The following GRID2 variants were observed in gnomAD, a reference collection of about 807,000 sequenced individuals.
GRID2 encodes glutamate receptor ionotropic, delta-2.
A neutral mutation model predicts 114.8 loss-of-function variants in GRID2; 33 were observed. The ratio of observed to expected loss-of-function variants is 0.29; its 90% CI spans 0.22 to 0.38. GRID2 has a LOEUF of 0.38. Among genes scored for constraint, GRID2 ranks in the 10% least tolerant of loss-of-function variants. GRID2 has a pLI of 1.00. For synonymous variants in GRID2, 505 were observed against 449.9 expected (o/e 1.12, Z -1.55); for missense variants, 1,184 against 1,257.7 (o/e 0.94, Z 0.89).
chr4:93,280,744 A>T (rs1561080064), intron 8 of GRID2, among the ~76,000 whole-genome samples: 1 of 152,120 alleles, frequency 6.6e-6, no homozygotes. Context: ...ATCTCTTAAG[A>T]ATCTTGAAGA....
chr4:92,724,434 G>A (rs563567882), intron 2 of GRID2, among the ~76,000 whole-genome samples: 2 of 152,202 alleles, frequency 1.3e-5, no homozygotes, highest in East Asian at 1.9e-4. Context: ...CTAGGACTGA[G>A]TAACATTTTA....
At position 92,945,527 on chromosome 4, in the gene GRID2, G is replaced by A. The variant is rs78989884; in HGVS notation, c.245-139468G>A. ...TTAATACTGTAAGTCTTCATCTCTA[G>A]GAAATTATGTTTGATTCTTACAATT... is the stretch of plus-strand genomic sequence containing the variant. On this transcript the variant is annotated intron_variant, in intron 2 of 15. Coordinates refer to ENST00000282020, the MANE Select transcript of GRID2 (RefSeq NM_001510.4). Among the ~76,000 whole-genome samples the A allele has an allele frequency of 4.4e-3, 666 of 152,142 alleles. 8 individuals are homozygous for A. The highest frequency in any genetic ancestry group is 0.015 in the African/African-American group (640 of 41,526).
At chr4:93,750,905 T>C (rs547896941) in intron 14 of GRID2, among the ~76,000 whole-genome samples, 2 of 152,348 alleles carry the variant, frequency 1.3e-5, no homozygotes, top group Admixed American at 1.3e-4. Context: ...TATCTTCTGC[T>C]AAGAATCAAA....
At chr4:93,722,135 G>A (rs1729432780) in intron 14 of GRID2, among the ~76,000 whole-genome samples, 1 of 151,790 alleles carries the variant, frequency 6.6e-6, no homozygotes. Context: ...GGCCAGGCTG[G>A]TTTCAAACTC....
chr4:92,606,351 G>T (rs1729450718), intron 2 of GRID2, among the ~76,000 whole-genome samples: 1 of 152,026 alleles, frequency 6.6e-6, no homozygotes, highest in Non-Finnish European at 1.5e-5. Flanking sequence ...TGAAGAAAAT[G>T]AGCAACAGCT....
intron 2 of GRID2, among the ~76,000 whole-genome samples, chr4:92,685,384 G>A (rs1458823939): frequency 6.6e-6 from 1 of 152,002 alleles, no homozygotes; most frequent in Non-Finnish European, 1.5e-5. Flanking sequence ...TAGAGAAATG[G>A]GGTTTACTTC....
rs1301681072 is a variant in GRID2 at position 92,795,428 on chromosome 4, C to G, written c.244+205142C>G. Reference sequence around the variant, plus strand: ...CTCCAGCCATGATTCTGAGGCCTCCCCAGCCATGTGAAACTGTAAATCCAA... The same window carrying G: ...CTCCAGCCATGATTCTGAGGCCTCCGCAGCCATGTGAAACTGTAAATCCAA... On this transcript the variant is annotated intron_variant, in intron 2 of 15. Coordinates refer to ENST00000282020, the MANE Select transcript of GRID2 (RefSeq NM_001510.4). Among the ~76,000 whole-genome samples the G allele has an allele frequency of 2.0e-5, 3 of 151,936 alleles. 1 individual carries two copies. Among genetic ancestry groups the G allele is most frequent in the Admixed American group, 2.0e-4 (3 of 15,202 alleles).
intron 13 of GRID2, among the ~76,000 whole-genome samples, chr4:93,595,936 C>T (rs1308213159): frequency 2.0e-5 from 3 of 152,080 alleles, no homozygotes; most frequent in East Asian, 3.9e-4. Context: ...CTTGCCTTGT[C>T]GCTAGTGTTC....
intron 1 of GRID2, among the ~76,000 whole-genome samples, chr4:92,504,375 C>T (rs1723843610): frequency 6.6e-6 from 1 of 151,836 alleles, no homozygotes; most frequent in South Asian, 2.1e-4. Context: ...GCTACCTAAG[C>T]AAGTTGGAAA....
chr4:92,803,444 A>G (rs1192462598), intron 2 of GRID2, among the ~76,000 whole-genome samples: 1 of 152,130 alleles, frequency 6.6e-6, no homozygotes, highest in South Asian at 2.1e-4. Flanking sequence ...AAGAAAATAT[A>G]TTATTTTGAT....
Position 92,658,755 on chromosome 4 carries a change from A to G in GRID2, c.244+68469A>G, listed in dbSNP as rs1732366493. 1.3e-5 allele frequency among the ~76,000 whole-genome samples: 2 copies of G among 149,150 alleles called. 1 individual carries two copies. Among genetic ancestry groups the G allele is most frequent in the South Asian group, 4.2e-4 (2 of 4,752 alleles). ...CTTTTATTAGAATGCTTAATTTTGA[A>G]CTACAATGAATGTGTTTGCATGTAT... On this transcript the variant is annotated intron_variant, in intron 2 of 15. Coordinates refer to ENST00000282020, the MANE Select transcript of GRID2 (RefSeq NM_001510.4).
chr4:93,741,159 C>CTATATATATA (rs879839195), intron 14 of GRID2, among the ~76,000 whole-genome samples: 14 of 47,152 alleles, frequency 3.0e-4, no homozygotes, highest in South Asian at 8.6e-4. Flanking sequence ...ACCTGAGAAA[C>CTATATATATA]TATATATATA....
intron 1 of GRID2, among the ~76,000 whole-genome samples, chr4:92,351,275 T>G (rs771078658): frequency 1.8e-4 from 27 of 151,958 alleles, no homozygotes; most frequent in Admixed American, 8.5e-4. Flanking sequence ...ACAGCTGCAT[T>G]ATTTTATATT....
At chr4:93,343,172 G>GTT (rs1346670113) in intron 8 of GRID2, among the ~76,000 whole-genome samples, 6 of 20,126 alleles carry the variant, frequency 3.0e-4, no homozygotes, top group African/African-American at 5.0e-4. Context: ...GTGTGTGTGT[G>GTT]TGTGTGTGTA....
intron 2 of GRID2, among the ~76,000 whole-genome samples, chr4:92,649,430 T>TC (rs1731816796): frequency 6.6e-6 from 1 of 151,356 alleles, no homozygotes; most frequent in Non-Finnish European, 1.5e-5. Flanking sequence ...CTTTTTTTTT[T>TC]CTTTTCAGAC....
intron 2 of GRID2, among the ~76,000 whole-genome samples, chr4:92,839,951 A>G (rs1288501858): frequency 1.3e-5 from 2 of 151,946 alleles, no homozygotes; most frequent in Non-Finnish European, 2.9e-5. Context: ...ATTGGGACCT[A>G]TCTCTCTCTT....
chr4:93,687,812 G>A (rs1045556997), intron 14 of GRID2, among the ~76,000 whole-genome samples: 17 of 151,864 alleles, frequency 1.1e-4, no homozygotes, highest in African/African-American at 3.4e-4. Flanking sequence ...AAATGGGGTG[G>A]TAATTGAAAG....
chr4:92,746,209 G>T (rs946835605), intron 2 of GRID2, among the ~76,000 whole-genome samples: 3 of 152,038 alleles, frequency 2.0e-5, no homozygotes, highest in Non-Finnish European at 2.9e-5. Flanking sequence ...ATAGTCTGTT[G>T]TATGCTGTGA....
chr4:92,484,229 A>G (rs796199646), intron 1 of GRID2, among the ~76,000 whole-genome samples: 184 of 152,304 alleles, frequency 1.2e-3, no homozygotes, highest in African/African-American at 4.4e-3. Context: ...ATGGTATCTG[A>G]CACAACTAGA....
Sources: allele counts gnomAD v4.1 joint callset (sites outside exome capture counted in the v4.1 genomes callset), GRCh38; gene constraint gnomAD v4.1.1; transcripts MANE v1.5; gene names NCBI Gene and HGNC (gene_info 2026-07-23, HGNC 2026-07-21).